The following CD2AP variants were observed in gnomAD, a reference collection of about 807,000 sequenced individuals.
CD2AP encodes CD2 associated protein.
Under a neutral mutation model 85.1 loss-of-function variants are expected in CD2AP, and 46 were observed. That is an observed-to-expected ratio of 0.54 (90% CI 0.43 to 0.69). The LOEUF (loss-of-function observed/expected upper bound fraction) is 0.69, where lower values mean the gene tolerates loss of function less well. Ranked by LOEUF, CD2AP falls within the 30% of genes least tolerant of loss-of-function variation. The pLI, the probability that CD2AP is intolerant of heterozygous loss-of-function variation, is 0.00. For synonymous variants in CD2AP, 255 were observed against 252.9 expected, an observed-to-expected ratio of 1.01 and a Z score of -0.08; for missense variants, 769 against 729.5, an observed-to-expected ratio of 1.05 and a Z score of -0.62.
At chr6:47,567,085 T>G (rs1325325853) in intron 5 of CD2AP, among the ~76,000 whole-genome samples, 1 of 78,680 alleles carries the variant, frequency 1.3e-5, no homozygotes, top group Non-Finnish European at 2.6e-5. Flanking sequence ...GATTTCCCAG[T>G]TTTTTTTTTT....
At chr6:47,559,339 A>G (rs1350957496) in intron 5 of CD2AP, among the ~76,000 whole-genome samples, 1 of 151,072 alleles carries the variant, frequency 6.6e-6, no homozygotes, top group Admixed American at 6.6e-5. Context: ...AGCTCACTAC[A>G]GCTTAACCTC....
intron 13 of CD2AP, 103 bp from the exon 14 acceptor site, chr6:47,606,062 G>A: frequency 1.5e-6 from 1 of 678,568 alleles, no homozygotes; most frequent in South Asian, 1.7e-5. Flanking sequence ...CAAAGTAGTG[G>A]TACTCTTTTT....
rs1561838570 is a variant in CD2AP at position 47,624,713 on chromosome 6, GTGTGTGTGTATATATATA to G, written c.*488_*505del. 1 of 137,538 alleles carries G rather than the reference GTGTGTGTGTATATATATA, an allele frequency of 7.3e-6. No individual in the cohort carries two copies. Among genetic ancestry groups the G allele is most frequent in the African/African-American group, 2.7e-5 (1 of 37,652 alleles). 8.5% of individuals were successfully genotyped at this position (137,538 alleles called of 1,614,324 possible). On this transcript the variant is annotated 3_prime_UTR_variant, in exon 18 of 18. Coordinates refer to ENST00000359314, the MANE Select transcript of CD2AP (RefSeq NM_012120.3). ...TGTGTGTGTGTGTGTGTGTGTGTGTGTGTGTGTGTATATATATATATATATTTTTACTTTTATCCTCTT... is the reference window on the plus strand; with the variant it reads ...TGTGTGTGTGTGTGTGTGTGTGTGTGTATATATTTTTACTTTTATCCTCTT...
At chr6:47,500,457 C>T (rs758749739) in intron 1 of CD2AP, among the ~76,000 whole-genome samples, 17 of 152,062 alleles carry the variant, frequency 1.1e-4, no homozygotes, top group Admixed American at 3.3e-4. Flanking sequence ...AATTTCTTGC[C>T]GGGTCCCTTA....
Position 47,477,956 on chromosome 6 carries a change from A to C in CD2AP, c.-289A>C. On this transcript the variant is annotated 5_prime_UTR_variant, in exon 1 of 18. Transcript: ENST00000359314. ...CACTGCGGGAGCGGCCAGGGTGGGA[A>C]AACCGCGGTCGGGCGGGCGGGGTAG... is the stretch of plus-strand genomic sequence containing the variant. 1.9e-6 allele frequency: 1 copy of C among 519,510 alleles called. No individual in the cohort carries two copies. 32.2% of individuals were successfully genotyped at this position (519,510 alleles called of 1,614,324 possible).
Position 47,525,428 on chromosome 6 carries a change from C to G in CD2AP, c.166-8174C>G, listed in dbSNP as rs754236387. ...TGGTGACTAGGTAACCTGCCTGTTTCATTTGAGAAATGAAATGAAGTTCTT... is the reference window on the plus strand; with the variant it reads ...TGGTGACTAGGTAACCTGCCTGTTTGATTTGAGAAATGAAATGAAGTTCTT... On this transcript the variant is annotated intron_variant, in intron 2 of 17. Coordinates refer to ENST00000359314, the MANE Select transcript of CD2AP (RefSeq NM_012120.3). Among the ~76,000 whole-genome samples the G allele has an allele frequency of 8.9e-4, 136 of 152,116 alleles. 1 individual carries two copies. Among genetic ancestry groups the G allele is most frequent in the Non-Finnish European group, 1.6e-3 (112 of 67,978 alleles).
chr6:47,554,705 T>A lies in CD2AP; in HGVS notation c.480T>A (p.Asn160Lys). The A allele has an allele frequency of 6.2e-7, 1 of 1,613,736 alleles. No homozygotes were observed. The highest frequency in any genetic ancestry group is 8.5e-7 in the Non-Finnish European group (1 of 1,179,784). ...ACAAGTTGGGACTGTTTCCCTCAAATTTTGTGAAAGAATTAGAGGTAACAG... is the reference window on the plus strand; with the variant it reads ...ACAAGTTGGGACTGTTTCCCTCAAAATTTGTGAAAGAATTAGAGGTAACAG... ...LNNKLGLFPS[N>K]FVKELEVTDD... is the part of the protein sequence containing the mutation. The change falls in exon 5 of 18, where the codon AAT (asparagine) becomes AAA (lysine). Residue 160 changes from asparagine to lysine, a missense_variant. By Grantham distance (94) the Asn-to-Lys change is moderately conservative. Coordinates refer to ENST00000359314, the MANE Select transcript of CD2AP (RefSeq NM_012120.3).
In CD2AP at chr6:47,609,107, T is replaced by G. The variant is rs1769354199; in HGVS notation, c.1633-16T>G. 6.3e-7 allele frequency: 1 copy of G among 1,574,934 alleles called. No homozygotes were observed. The highest frequency in any genetic ancestry group is 8.6e-7 in the Non-Finnish European group (1 of 1,161,166). ...AATATTAAATAAAATCAGAAATTTT[T>G]TTTTTACGTTTTCAGCCATCTGTGT... On this transcript the variant is annotated splice_polypyrimidine_tract_variant and intron_variant, in intron 15 of 17. Coordinates refer to ENST00000359314, the MANE Select transcript of CD2AP (RefSeq NM_012120.3).
At chr6:47,598,530 G>T (rs1161809758) in intron 12 of CD2AP, among the ~76,000 whole-genome samples, 1 of 150,914 alleles carries the variant, frequency 6.6e-6, no homozygotes, top group East Asian at 1.9e-4. Context: ...AGTGAATAAA[G>T]AAATTGTGGT....
rs770750324 is a variant in CD2AP at position 47,503,266 on chromosome 6, T to TC, written c.5-9dup. ...ATTAGATTTTAGACATTTCGTTTTT[T>TC]CCCCCTTTTTTAGTTGACTATATTG... is the stretch of plus-strand genomic sequence containing the variant. On this transcript the variant is annotated splice_polypyrimidine_tract_variant and intron_variant, in intron 1 of 17. Coordinates refer to ENST00000359314, the MANE Select transcript of CD2AP (RefSeq NM_012120.3). The TC allele has an allele frequency of 1.2e-6, 2 of 1,612,414 alleles. No individual in the cohort carries two copies. Among genetic ancestry groups the TC allele is most frequent in the South Asian group, 2.2e-5 (2 of 91,004 alleles).
intron 2 of CD2AP, among the ~76,000 whole-genome samples, chr6:47,505,922 G>A (rs1440536458): frequency 6.7e-5 from 7 of 104,936 alleles, no homozygotes; most frequent in African/African-American, 1.9e-4. Flanking sequence ...CCTCCCTCCC[G>A]GACGGGGTGG....
At chr6:47,482,441 C>T (rs1388498832) in intron 1 of CD2AP, among the ~76,000 whole-genome samples, 4 of 148,648 alleles carry the variant, frequency 2.7e-5, no homozygotes, top group South Asian at 4.3e-4. Context: ...TGCAGTGGCG[C>T]GATCTCGGCT....
At chr6:47,539,294 A>G (rs1419683238) in intron 3 of CD2AP, among the ~76,000 whole-genome samples, 1 of 152,224 alleles carries the variant, frequency 6.6e-6, no homozygotes, top group African/African-American at 2.4e-5. Context: ...GATAATTTAG[A>G]TGAAAAGGTA....
At chr6:47,605,007 T>C in intron 13 of CD2AP, among the ~76,000 whole-genome samples, 1 of 152,026 alleles carries the variant, frequency 6.6e-6, no homozygotes, top group Non-Finnish European at 1.5e-5. Flanking sequence ...CTTAAAAGCA[T>C]TTTCTAAATA....
intron 1 of CD2AP, among the ~76,000 whole-genome samples, chr6:47,480,756 AC>A (rs1299772254): frequency 6.6e-6 from 1 of 152,196 alleles, no homozygotes; most frequent in Admixed American, 6.5e-5. Context: ...TCAATTTTTG[AC>A]CTTTGTTAGA....
At chr6:47,618,994 A>G (rs900818162) in intron 17 of CD2AP, among the ~76,000 whole-genome samples, 1 of 152,234 alleles carries the variant, frequency 6.6e-6, no homozygotes, top group Non-Finnish European at 1.5e-5. Flanking sequence ...TTAACATTAT[A>G]CAGTATTATA....
chr6:47,567,415 G>C (rs1259483530), intron 5 of CD2AP, among the ~76,000 whole-genome samples: 3 of 152,072 alleles, frequency 2.0e-5, no homozygotes, highest in African/African-American at 7.2e-5. Flanking sequence ...AGTGCCTTTT[G>C]TTAATGTATT....
chr6:47,551,033 A>G (rs1767505505), intron 4 of CD2AP, among the ~76,000 whole-genome samples: 2 of 151,920 alleles, frequency 1.3e-5, no homozygotes. Flanking sequence ...GCCTCGGGGG[A>G]AGAGGGTGGG....
intron 2 of CD2AP, among the ~76,000 whole-genome samples, chr6:47,515,237 G>A (rs1369201964): frequency 6.6e-6 from 1 of 152,046 alleles, no homozygotes; most frequent in Non-Finnish European, 1.5e-5. Context: ...AAAAGCATGG[G>A]TTAAAGTAGG....
Sources: allele counts gnomAD v4.1 joint callset (sites outside exome capture counted in the v4.1 genomes callset), GRCh38; gene constraint gnomAD v4.1.1; transcripts MANE v1.5; gene names NCBI Gene and HGNC (gene_info 2026-07-23, HGNC 2026-07-21).